Variants in PLN observed in about 807,000 individuals in gnomAD.
The protein encoded by PLN is cardiac phospholamban.
PLN carries 1 observed loss-of-function variant against 3.9 expected under a neutral mutation model. The ratio of observed to expected loss-of-function variants is 0.26; its 90% CI spans 0.09 to 1.23. The LOEUF (loss-of-function observed/expected upper bound fraction) is 1.23, where lower values mean the gene tolerates loss of function less well. Ranked by LOEUF, PLN falls within the 50% of genes most tolerant of loss-of-function variation. The pLI is 0.48. For synonymous variants in PLN, 21 were observed against 20.5 expected (o/e 1.02, Z -0.07); for missense variants, 59 against 62.7 (o/e 0.94, Z 0.20).
chr6:118,548,803 ACTGAG>A (rs1292439265), intron 1 of PLN, among the ~76,000 whole-genome samples: 1 of 152,098 alleles, frequency 6.6e-6, no homozygotes, highest in Non-Finnish European at 1.5e-5. Flanking sequence ...ACAGTGCAGA[ACTGAG>A]CTATTTACAT....
rs1779126344 is a variant in PLN at position 118,559,947 on chromosome 6, A to G, written c.*867A>G. Reference sequence around the variant, plus strand: ...GAGCTAGAGTTACCTAGCTTACCATACTATATCTTTGGAATCATGAAACCT... The same window carrying G: ...GAGCTAGAGTTACCTAGCTTACCATGCTATATCTTTGGAATCATGAAACCT... On this transcript the variant is annotated 3_prime_UTR_variant, in exon 2 of 2. Transcript: ENST00000357525. 1 of 167,020 alleles carries G rather than the reference A, an allele frequency of 6.0e-6. No individual in the cohort carries two copies. Among genetic ancestry groups the G allele is most frequent in the Non-Finnish European group, 1.5e-5 (1 of 68,094 alleles). The allele number at this position is 167,020 out of a possible 1,614,324, so 10.3% of individuals were successfully genotyped here. A position where few individuals can be genotyped will look rare whatever the true frequency, so the allele number is the denominator to read the frequency against.
intron 1 of PLN, 143 bp from the exon 2 acceptor site, chr6:118,558,682 G>A: frequency 1.9e-6 from 1 of 533,546 alleles, no homozygotes; most frequent in South Asian, 2.0e-5. Flanking sequence ...GAGAGAGAGA[G>A]AGAGAGGGAG....
rs946211494 is a variant in PLN at position 118,560,543 on chromosome 6, A to C, written c.*1463A>C. 2 of 166,982 alleles carry C rather than the reference A, an allele frequency of 1.2e-5. No homozygotes were observed. Among genetic ancestry groups the C allele is most frequent in the Non-Finnish European group, 2.9e-5 (2 of 68,114 alleles). 10.3% of individuals were successfully genotyped at this position (166,982 alleles called of 1,614,324 possible). On this transcript the variant is annotated 3_prime_UTR_variant, in exon 2 of 2. Transcript: ENST00000357525. ...TAGGGGTGTGGGGAGTGGGGGAAAG[A>C]ATATTCATGTATAAGTGGACCCTTG...
At chr6:118,549,443 C>T (rs1297751626) in intron 1 of PLN, among the ~76,000 whole-genome samples, 3 of 151,716 alleles carry the variant, frequency 2.0e-5, no homozygotes, top group East Asian at 1.9e-4. Flanking sequence ...CAGAAAATTA[C>T]ATATATTTTA....
rs1779083926 is a variant in PLN at position 118,559,178 on chromosome 6, C to T, written c.*98C>T. On this transcript the variant is annotated 3_prime_UTR_variant, in exon 2 of 2. Transcript: ENST00000357525. ...AACAATATTGTATAACAGACCACTT[C>T]CTGAGTAGAAGAGTTTCTTTGTGAA... 5 of 889,422 alleles carry T rather than the reference C, an allele frequency of 5.6e-6. No homozygotes were observed. The highest frequency in any genetic ancestry group is 2.4e-5 in the East Asian group (1 of 41,674). 55.1% of individuals were successfully genotyped at this position (889,422 alleles called of 1,614,324 possible).
chr6:118,561,559 GT>G lies in PLN; in HGVS notation c.*2481del, dbSNP rs1779225555. On this transcript the variant is annotated 3_prime_UTR_variant, in exon 2 of 2. Transcript: ENST00000357525. Reference sequence around the variant, plus strand: ...TTTAATATACTAAATGCTCAAATATGTTCTACTATAGAATAAGTTCTTATCT... The same window carrying G: ...TTTAATATACTAAATGCTCAAATATGTCTACTATAGAATAAGTTCTTATCT... Among the ~76,000 whole-genome samples, 1 of 152,114 alleles carries G rather than the reference GT, an allele frequency of 6.6e-6. No homozygotes were observed. Among genetic ancestry groups the G allele is most frequent in the Non-Finnish European group, 1.5e-5 (1 of 67,958 alleles).
chr6:118,560,178 T>C lies in PLN; in HGVS notation c.*1098T>C, dbSNP rs185945888. On this transcript the variant is annotated 3_prime_UTR_variant, in exon 2 of 2. Transcript: ENST00000357525. Reference sequence around the variant, plus strand: ...TTGGCCCATCTATTACATCTACAGCTGACCCTTGAACATGGGGGTTAGGGG... The same window carrying C: ...TTGGCCCATCTATTACATCTACAGCCGACCCTTGAACATGGGGGTTAGGGG... 1.2e-4 allele frequency: 20 copies of C among 167,216 alleles called. No homozygotes were observed. In the East Asian group the frequency reaches 3.3e-3, roughly 27 times the overall value. 10.4% of individuals were successfully genotyped at this position (167,216 alleles called of 1,614,324 possible).
chr6:118,559,854 T>C lies in PLN; in HGVS notation c.*774T>C, dbSNP rs1221144716. 1 of 167,184 alleles carries C rather than the reference T, an allele frequency of 6.0e-6. No homozygotes were observed. Among genetic ancestry groups the C allele is most frequent in the Non-Finnish European group, 1.5e-5 (1 of 68,222 alleles). The allele number at this position is 167,184 out of a possible 1,614,324, so 10.4% of individuals were successfully genotyped here. On this transcript the variant is annotated 3_prime_UTR_variant, in exon 2 of 2. Transcript: ENST00000357525. ...TGGTGGTTAATATGTGACAGTGAGATTAGTCATATCACTAATATACTAACA... is the reference window on the plus strand; with the variant it reads ...TGGTGGTTAATATGTGACAGTGAGACTAGTCATATCACTAATATACTAACA...
In PLN at chr6:118,559,434, T is replaced by G. The variant is rs1583048811; in HGVS notation, c.*354T>G. On this transcript the variant is annotated 3_prime_UTR_variant, in exon 2 of 2. Transcript: ENST00000357525. ...ACAAGTTCACTTCATATATAAAGCA[T>G]TATTTTTACTCTTTTGAGGTGAATA... The G allele has an allele frequency of 3.3e-6, 1 of 302,020 alleles. No individual in the cohort carries two copies. Among genetic ancestry groups the G allele is most frequent in the East Asian group, 8.9e-5 (1 of 11,236 alleles). 18.7% of individuals were successfully genotyped at this position (302,020 alleles called of 1,614,324 possible).
chr6:118,558,621 GCACATACACA>G (rs776424363), intron 1 of PLN, among the ~76,000 whole-genome samples, 194 bp from the exon 2 acceptor site: 1 of 60,010 alleles, frequency 1.7e-5, no homozygotes, highest in African/African-American at 5.1e-5. Flanking sequence ...AGAAACACGT[GCACATACACA>G]CACACACACA....
chr6:118,559,256 G>A lies in PLN; in HGVS notation c.*176G>A. 1.5e-6 allele frequency: 1 copy of A among 650,046 alleles called. No individual in the cohort carries two copies. Among genetic ancestry groups the A allele is most frequent in the Non-Finnish European group, 2.8e-6 (1 of 354,056 alleles). 40.3% of individuals were successfully genotyped at this position (650,046 alleles called of 1,614,324 possible). On this transcript the variant is annotated 3_prime_UTR_variant, in exon 2 of 2. Coordinates refer to ENST00000357525, the MANE Select transcript of PLN (RefSeq NM_002667.5). ...TGTTACCATATGTATTCATCTGTTG[G>A]ATCTTGTAAACATGAAAAGGGCTTT...
intron 1 of PLN, among the ~76,000 whole-genome samples, chr6:118,558,155 TG>T (rs1388833974): frequency 6.6e-6 from 1 of 152,134 alleles, no homozygotes; most frequent in Non-Finnish European, 1.5e-5. Flanking sequence ...TTCACCATGT[TG>T]GCCAGGCTGG....
chr6:118,558,780 G>T lies in PLN; in HGVS notation c.-97-45G>T. On this transcript the variant is annotated intron_variant, in intron 1 of 1. Transcript: ENST00000357525. ...AATTGTATTTTTTGTTCTGAGGATA[G>T]GTTACATAGATGATTCTAATCCATT... 7.1e-6 allele frequency: 5 copies of T among 703,680 alleles called. No individual in the cohort carries two copies. In the South Asian group the frequency reaches 7.6e-5, roughly 11 times the overall value. The allele number at this position is 703,680 out of a possible 1,614,324, so 43.6% of individuals were successfully genotyped here. A position where few individuals can be genotyped will look rare whatever the true frequency, so the allele number is the denominator to read the frequency against.
Position 118,560,514 on chromosome 6 carries a change from G to C in PLN, c.*1434G>C, listed in dbSNP as rs1316612579. The C allele has an allele frequency of 2.4e-5, 4 of 167,004 alleles. No homozygotes were observed. Among genetic ancestry groups the C allele is most frequent in the Admixed American group, 6.5e-5 (1 of 15,270 alleles). The allele number at this position is 167,004 out of a possible 1,614,324, so 10.3% of individuals were successfully genotyped here. ...GAGAAGGCGTTGGTCTTGCAGTCTTGTCTTAGGGGTGTGGGGAGTGGGGGA... is the reference window on the plus strand; with the variant it reads ...GAGAAGGCGTTGGTCTTGCAGTCTTCTCTTAGGGGTGTGGGGAGTGGGGGA... On this transcript the variant is annotated 3_prime_UTR_variant, in exon 2 of 2. Coordinates refer to ENST00000357525, the MANE Select transcript of PLN (RefSeq NM_002667.5).
At position 118,550,728 on chromosome 6, in the gene PLN, A is replaced by G. The variant is rs534772047; in HGVS notation, c.-98+2336A>G. ...GCTTAAAGTAAACCATGACACTGAC[A>G]AACAAAATTTGAAAGCCCCCAAATA... On this transcript the variant is annotated intron_variant, in intron 1 of 1. Transcript: ENST00000357525. Among the ~76,000 whole-genome samples the G allele has an allele frequency of 1.4e-4, 22 of 152,038 alleles. No homozygotes were observed. In the South Asian group the frequency reaches 1.5e-3, roughly 10 times the overall value.
intron 1 of PLN, among the ~76,000 whole-genome samples, chr6:118,556,712 A>G (rs911323580): frequency 5.3e-5 from 8 of 152,200 alleles, no homozygotes; most frequent in African/African-American, 1.9e-4. Context: ...TAACAATAAT[A>G]TATCAACAAA....
chr6:118,549,689 T>C (rs748365489), intron 1 of PLN, among the ~76,000 whole-genome samples: 47 of 152,010 alleles, frequency 3.1e-4, no homozygotes, highest in Middle Eastern at 3.4e-3. Context: ...ATAAAAGTCA[T>C]TCAGTGTAGG....
rs78353255 is a variant in PLN, at chr6:118,558,652, C to G, written c.-97-173C>G. 1.6e-3 allele frequency among the ~76,000 whole-genome samples: 211 copies of G among 132,934 alleles called. 2 individuals are homozygous for G. Among genetic ancestry groups the G allele is most frequent in the East Asian group, 7.6e-3 (38 of 5,000 alleles). The allele number at this position is 132,934 out of a possible 152,430, so 87.2% of individuals were successfully genotyped here. A position where few individuals can be genotyped will look rare whatever the true frequency, so the allele number is the denominator to read the frequency against. On this transcript the variant is annotated intron_variant, in intron 1 of 1. Transcript: ENST00000357525. ...ACACACACACACACACACACACACACACACACACAGAGAGAGAGAGAGAGA... is the reference window on the plus strand; with the variant it reads ...ACACACACACACACACACACACACAGACACACACAGAGAGAGAGAGAGAGA...
intron 1 of PLN, among the ~76,000 whole-genome samples, chr6:118,554,814 A>G (rs921446588): frequency 3.3e-5 from 5 of 152,202 alleles, no homozygotes; most frequent in Non-Finnish European, 5.9e-5. Context: ...TGGAGAACAC[A>G]TTCCAGGCAG....
Sources: allele counts gnomAD v4.1 joint callset (sites outside exome capture counted in the v4.1 genomes callset), GRCh38; gene constraint gnomAD v4.1.1; transcripts MANE v1.5; gene names NCBI Gene and HGNC (gene_info 2026-07-23, HGNC 2026-07-21).